CACNA2D1: variants seen among roughly 807,000 people sequenced by gnomAD.
CACNA2D1 encodes calcium voltage-gated channel auxiliary subunit alpha2delta 1.
Under a neutral mutation model 171.5 loss-of-function variants are expected in CACNA2D1, and 53 were observed. That is an observed-to-expected ratio of 0.31 (90% CI 0.25 to 0.39). CACNA2D1 has a LOEUF of 0.39. Among genes scored for constraint, CACNA2D1 ranks in the 10% least tolerant of loss-of-function variants. The probability of loss-of-function intolerance (pLI) is 1.00; values close to 1 mark genes in which losing one functional copy is unlikely to be tolerated. For synonymous variants in CACNA2D1, 442 were observed against 443.1 expected (o/e 1.00, Z 0.03); for missense variants, 903 against 1,299.8 (o/e 0.69, Z 4.69).
intron 3 of CACNA2D1, among the ~76,000 whole-genome samples, chr7:82,212,313 G>A (rs746232446): frequency 2.0e-5 from 3 of 152,132 alleles, no homozygotes; most frequent in Non-Finnish European, 4.4e-5. Flanking sequence ...TAGGTTAAGT[G>A]TATTCCATGC....
At chr7:82,292,935 T>C (rs1048608510) in intron 3 of CACNA2D1, among the ~76,000 whole-genome samples, 5 of 151,838 alleles carry the variant, frequency 3.3e-5, no homozygotes, top group African/African-American at 4.8e-5. Context: ...TACAAATATA[T>C]ACACACACAC....
chr7:82,012,497 G>A (rs551731820), intron 14 of CACNA2D1, among the ~76,000 whole-genome samples: 5 of 152,110 alleles, frequency 3.3e-5, no homozygotes, highest in African/African-American at 1.2e-4. Flanking sequence ...GTAACAATCA[G>A]AGCATTGTTT....
chr7:82,430,117 T>C lies in CACNA2D1; in HGVS notation c.95+13248A>G, dbSNP rs573048054. On this transcript the variant is annotated intron_variant, in intron 1 of 38. Coordinates refer to ENST00000356860, the MANE Select transcript of CACNA2D1 (RefSeq NM_000722.4). ...ATGGCAAATGTCAAAATGACTGCTATAAAAAGGCCATGTTGGCTGGGCGCA... is the reference window on the plus strand; with the variant it reads ...ATGGCAAATGTCAAAATGACTGCTACAAAAAGGCCATGTTGGCTGGGCGCA... Among the ~76,000 whole-genome samples the C allele has an allele frequency of 2.7e-5, 4 of 150,872 alleles. No individual in the cohort carries two copies. In the East Asian group the frequency reaches 5.9e-4, roughly 22 times the overall value.
chr7:82,423,867 G>T (rs1355692532), intron 1 of CACNA2D1, among the ~76,000 whole-genome samples: 1 of 152,092 alleles, frequency 6.6e-6, no homozygotes, highest in Non-Finnish European at 1.5e-5. Flanking sequence ...GTGTCTACCA[G>T]TCCACAAGAA....
intron 3 of CACNA2D1, among the ~76,000 whole-genome samples, chr7:82,320,353 T>C (rs995791392): frequency 6.6e-5 from 10 of 152,086 alleles, no homozygotes; most frequent in Admixed American, 5.2e-4. Flanking sequence ...GAGAAGGAAT[T>C]AATGGAAGAA....
intron 3 of CACNA2D1, among the ~76,000 whole-genome samples, chr7:82,233,904 A>C (rs1266414233): frequency 1.3e-5 from 2 of 152,086 alleles, no homozygotes; most frequent in Non-Finnish European, 2.9e-5. Context: ...ATTTTTTCTA[A>C]GTATATAAAG....
chr7:82,055,264 T>C (rs1260227188), intron 10 of CACNA2D1, among the ~76,000 whole-genome samples: 2 of 152,124 alleles, frequency 1.3e-5, no homozygotes, highest in Non-Finnish European at 2.9e-5. Context: ...AAGTAACCTG[T>C]GACCCTTAGT....
At position 82,116,468 on chromosome 7, in the gene CACNA2D1, GT is replaced by G. The variant is rs372674588; in HGVS notation, c.526+575del. 2.1e-4 allele frequency among the ~76,000 whole-genome samples: 32 copies of G among 152,248 alleles called. No individual in the cohort carries two copies. The East Asian group carries it at 5.8e-3, about 28-fold the overall frequency. The stretch of plus-strand genomic sequence containing the variant: ...AATATTTCCAGTCACAGCTTTTCTA[GT>G]TTTTAAGGTCTCTTCCTTTTACCCA... On this transcript the variant is annotated intron_variant, in intron 6 of 38. Transcript: ENST00000356860.
chr7:82,326,069 T>C (rs912905017), intron 3 of CACNA2D1, among the ~76,000 whole-genome samples: 37 of 152,176 alleles, frequency 2.4e-4, no homozygotes, highest in Non-Finnish European at 1.6e-4. Flanking sequence ...GTTCCCATCT[T>C]GCACCCTAAG....
At chr7:81,958,349 CAA>C (rs1793686034) in intron 38 of CACNA2D1, among the ~76,000 whole-genome samples, 1 of 152,092 alleles carries the variant, frequency 6.6e-6, no homozygotes, top group Admixed American at 6.6e-5. Flanking sequence ...CTAAATAACT[CAA>C]ATAATTTATG....
chr7:82,240,824 G>A (rs534987320), intron 3 of CACNA2D1, among the ~76,000 whole-genome samples: 2 of 152,040 alleles, frequency 1.3e-5, no homozygotes, highest in Non-Finnish European at 2.9e-5. Context: ...AAAATTAGCT[G>A]GGTGTGGTAG....
intron 21 of CACNA2D1, among the ~76,000 whole-genome samples, chr7:81,988,639 T>G (rs1477515342): frequency 6.6e-6 from 1 of 152,204 alleles, no homozygotes; most frequent in Non-Finnish European, 1.5e-5. Context: ...CTTCCGTACT[T>G]AAATATTGCA....
At chr7:82,175,525 T>G (rs1796466696) in intron 3 of CACNA2D1, among the ~76,000 whole-genome samples, 1 of 152,004 alleles carries the variant, frequency 6.6e-6, no homozygotes, top group South Asian at 2.1e-4. Flanking sequence ...TCTTAGCATA[T>G]CAAAAGGATC....
chr7:81,982,907 A>G (rs190884759), intron 23 of CACNA2D1, among the ~76,000 whole-genome samples: 4 of 152,290 alleles, frequency 2.6e-5, no homozygotes, highest in East Asian at 3.9e-4. Context: ...CTATAACCGA[A>G]TATCTTTTAA....
chr7:82,262,202 G>A (rs1177273505), intron 3 of CACNA2D1, among the ~76,000 whole-genome samples: 1 of 152,116 alleles, frequency 6.6e-6, no homozygotes. Flanking sequence ...GTGGTGGCAG[G>A]CACCTGTAGT....
intron 3 of CACNA2D1, among the ~76,000 whole-genome samples, chr7:82,233,744 G>A (rs1304030825): frequency 6.6e-6 from 1 of 151,988 alleles, no homozygotes; most frequent in African/African-American, 2.4e-5. Flanking sequence ...ACAACTCGCA[G>A]AGAGTAGTTA....
chr7:82,350,551 G>A (rs1033728733), intron 1 of CACNA2D1, among the ~76,000 whole-genome samples: 1 of 152,164 alleles, frequency 6.6e-6, no homozygotes, highest in Non-Finnish European at 1.5e-5. Context: ...TGTAGTCCCA[G>A]CTACTCAGGA....
At chr7:82,197,227 G>A in intron 3 of CACNA2D1, among the ~76,000 whole-genome samples, 1 of 151,564 alleles carries the variant, frequency 6.6e-6, no homozygotes, top group African/African-American at 2.4e-5. Flanking sequence ...TATTATATAA[G>A]AGTATTCAGA....
chr7:82,099,784 G>A (rs1812447852), intron 6 of CACNA2D1, among the ~76,000 whole-genome samples: 1 of 152,150 alleles, frequency 6.6e-6, no homozygotes, highest in Non-Finnish European at 1.5e-5. Flanking sequence ...AGGAGTGTGT[G>A]TGAATCACTG....
Sources: gnomAD v4.1 joint callset for allele counts (sites outside exome capture counted in the v4.1 genomes callset) on GRCh38, gnomAD v4.1.1 for gene constraint, MANE v1.5 for transcripts, NCBI Gene and HGNC (gene_info 2026-07-23, HGNC 2026-07-21) for gene names.